SGCZ: variants seen among roughly 807,000 people sequenced by gnomAD.
The protein encoded by SGCZ is sarcoglycan zeta.
SGCZ carries 40 observed loss-of-function variants against 41.3 expected under a neutral mutation model. That is an observed-to-expected ratio of 0.97 (90% confidence interval 0.75 to 1.26). The LOEUF (loss-of-function observed/expected upper bound fraction) is 1.26. Ranked by LOEUF, SGCZ falls within the 50% of genes most tolerant of loss-of-function variation. The pLI, the probability that SGCZ is intolerant of heterozygous loss-of-function variation, is 0.00. For synonymous variants in SGCZ, 206 were observed against 137.5 expected, an observed-to-expected ratio of 1.50 and a Z score of -3.49; for missense variants, 552 against 369.8, an observed-to-expected ratio of 1.49 and a Z score of -4.04.
intron 1 of SGCZ, among the ~76,000 whole-genome samples, chr8:14,808,920 G>A (rs1398995908): frequency 1.3e-5 from 2 of 151,532 alleles, no homozygotes; most frequent in African/African-American, 2.4e-5. Flanking sequence ...ATGAGTTCAT[G>A]TCCTTTGTAG....
At chr8:14,860,735 AAAGT>A (rs375877111) in intron 1 of SGCZ, among the ~76,000 whole-genome samples, 290 of 112,814 alleles carry the variant, frequency 2.6e-3, no homozygotes, top group Middle Eastern at 0.014. Flanking sequence ...AGAAAGAAAG[AAAGT>A]AAGTAAGTAA....
intron 1 of SGCZ, among the ~76,000 whole-genome samples, chr8:14,959,589 GTTC>G (rs1800899907): frequency 6.6e-6 from 1 of 151,998 alleles, no homozygotes; most frequent in Admixed American, 6.6e-5. Flanking sequence ...GGGCTTTTTC[GTTC>G]TTCTCAGTAT....
At chr8:15,022,218 T>G (rs1401138079) in intron 1 of SGCZ, among the ~76,000 whole-genome samples, 5 of 152,224 alleles carry the variant, frequency 3.3e-5, no homozygotes, top group African/African-American at 1.2e-4. Context: ...CAAAAACACA[T>G]GTAATAAAAA....
intron 1 of SGCZ, among the ~76,000 whole-genome samples, chr8:14,762,299 A>G (rs990058566): frequency 2.0e-5 from 3 of 152,214 alleles, no homozygotes; most frequent in Non-Finnish European, 4.4e-5. Flanking sequence ...AGTAAAATCT[A>G]CAGAGTAGTC....
intron 4 of SGCZ, among the ~76,000 whole-genome samples, chr8:14,226,974 T>G (rs1227222847): frequency 6.6e-6 from 1 of 152,102 alleles, no homozygotes; most frequent in Admixed American, 6.6e-5. Context: ...TATTGAAGGC[T>G]TTCTTCCCCA....
intron 2 of SGCZ, among the ~76,000 whole-genome samples, chr8:14,528,836 A>T (rs28637779): frequency 0.045 from 981 of 21,846 alleles, 26 homozygotes; most frequent in East Asian, 0.14. Context: ...CCAAAAAAAA[A>T]ACAAAACAAA....
intron 1 of SGCZ, among the ~76,000 whole-genome samples, chr8:15,022,731 T>C (rs1287107918): frequency 6.6e-6 from 1 of 152,188 alleles, no homozygotes; most frequent in African/African-American, 2.4e-5. Flanking sequence ...AGACAAAACA[T>C]GGCAATAGTA....
At chr8:14,285,476 G>C (rs185221780) in intron 3 of SGCZ, among the ~76,000 whole-genome samples, 65 of 152,160 alleles carry the variant, frequency 4.3e-4, no homozygotes, top group Non-Finnish European at 8.2e-4. Context: ...TACCACCTCT[G>C]AGGAACCATA....
chr8:14,621,409 A>G (rs898632699), intron 1 of SGCZ, among the ~76,000 whole-genome samples: 1 of 152,158 alleles, frequency 6.6e-6, no homozygotes, highest in Admixed American at 6.5e-5. Context: ...CACGTTGTGC[A>G]CATGTACCAT....
At chr8:14,182,300 C>A (rs999536479) in intron 4 of SGCZ, among the ~76,000 whole-genome samples, 1 of 152,140 alleles carries the variant, frequency 6.6e-6, no homozygotes, top group African/African-American at 2.4e-5. Context: ...GATGCCCAGC[C>A]GAGCAGCAGG....
intron 1 of SGCZ, among the ~76,000 whole-genome samples, chr8:15,179,283 A>T (rs1261933811): frequency 9.2e-5 from 14 of 152,202 alleles, no homozygotes; most frequent in Non-Finnish European, 1.5e-5. Flanking sequence ...GTATATGAAT[A>T]GTGAATTATC....
intron 1 of SGCZ, among the ~76,000 whole-genome samples, chr8:14,620,757 T>A (rs1284064412): frequency 6.6e-6 from 1 of 152,144 alleles, no homozygotes; most frequent in Non-Finnish European, 1.5e-5. Flanking sequence ...TCACACCAGT[T>A]AGAACGGCGA....
intron 1 of SGCZ, among the ~76,000 whole-genome samples, chr8:14,563,707 A>C (rs200843995): frequency 1.3e-5 from 2 of 152,194 alleles, no homozygotes; most frequent in Non-Finnish European, 2.9e-5. Flanking sequence ...AGTTTCATCA[A>C]GAAGACAAAA....
At chr8:14,638,692 C>A (rs938579118) in intron 1 of SGCZ, among the ~76,000 whole-genome samples, 1 of 151,754 alleles carries the variant, frequency 6.6e-6, no homozygotes, top group African/African-American at 2.4e-5. Flanking sequence ...TGTTTTCTCC[C>A]CTGACAGATA....
chr8:14,432,850 G>A (rs964768728), intron 2 of SGCZ, among the ~76,000 whole-genome samples: 2 of 142,074 alleles, frequency 1.4e-5, no homozygotes, highest in Non-Finnish European at 3.0e-5. Flanking sequence ...GGAGGAGGAG[G>A]TTGCAGTAAG....
At chr8:14,971,043 G>C (rs529558121) in intron 1 of SGCZ, among the ~76,000 whole-genome samples, 14 of 152,000 alleles carry the variant, frequency 9.2e-5, no homozygotes, top group Non-Finnish European at 1.8e-4. Flanking sequence ...TGATGCTTTT[G>C]TGAAATATAT....
intron 2 of SGCZ, among the ~76,000 whole-genome samples, chr8:14,393,681 C>T (rs1283665340): frequency 6.6e-6 from 1 of 152,154 alleles, no homozygotes; most frequent in Non-Finnish European, 1.5e-5. Context: ...TATTAAACCT[C>T]TGTTGCTCAA....
chr8:14,535,026 T>A (rs903268451), intron 2 of SGCZ, among the ~76,000 whole-genome samples: 1 of 151,992 alleles, frequency 6.6e-6, no homozygotes, highest in African/African-American at 2.4e-5. Flanking sequence ...TTCTGTGATT[T>A]TTTATTAGTT....
intron 1 of SGCZ, among the ~76,000 whole-genome samples, chr8:15,095,255 C>G (rs1048785155): frequency 6.6e-6 from 1 of 152,048 alleles, no homozygotes; most frequent in Non-Finnish European, 1.5e-5. Flanking sequence ...TGTGCCATCA[C>G]CCCTAGCTAA....
Sources: allele counts gnomAD v4.1 joint callset (sites outside exome capture counted in the v4.1 genomes callset), GRCh38; gene constraint gnomAD v4.1.1; transcripts MANE v1.5; gene names NCBI Gene and HGNC (gene_info 2026-07-23, HGNC 2026-07-21).